The following CDH18 variants were observed in gnomAD, a reference collection of about 807,000 sequenced individuals.
CDH18 encodes the protein cadherin 18.
A neutral mutation model predicts 67.9 loss-of-function variants in CDH18; 31 were observed. That is an observed-to-expected ratio of 0.46 (90% CI 0.34 to 0.62). CDH18 has a LOEUF of 0.62. Among genes scored for constraint, CDH18 ranks in the 20% least tolerant of loss-of-function variants. The pLI, the probability that CDH18 is intolerant of heterozygous loss-of-function variation, is 0.01. For synonymous variants in CDH18, 362 were observed against 347.2 expected (o/e 1.04, Z -0.48); for missense variants, 890 against 975.5 (o/e 0.91, Z 1.17).
chr5:19,994,857 G>T lies in CDH18; in HGVS notation c.-517-2843C>A, dbSNP rs866370190. Among the ~76,000 whole-genome samples the T allele has an allele frequency of 4.8e-3, 482 of 99,494 alleles. 23 individuals carry two copies. Among genetic ancestry groups the T allele is most frequent in the Middle Eastern group, 9.6e-3 (2 of 208 alleles). 65.3% of individuals were successfully genotyped at this position (99,494 alleles called of 152,430 possible). On this transcript the variant is annotated intron_variant, in intron 2 of 14. Coordinates refer to the CDH18 transcript ENST00000507958. Reference sequence around the variant, plus strand: ...ATATATATATATATATATATATATAGAGAGAGAGAGAGAGAGAGAGATGTA... The same window carrying T: ...ATATATATATATATATATATATATATAGAGAGAGAGAGAGAGAGAGATGTA...
chr5:20,173,372 A>C (rs1165945155), intron 2 of CDH18, among the ~76,000 whole-genome samples: 1 of 152,176 alleles, frequency 6.6e-6, no homozygotes, highest in African/African-American at 2.4e-5. Context: ...TGTTCCCATA[A>C]ATACTTAAGA....
intron 1 of CDH18, among the ~76,000 whole-genome samples, chr5:20,499,206 C>T (rs894339084): frequency 6.6e-6 from 1 of 151,990 alleles, no homozygotes; most frequent in African/African-American, 2.4e-5. Flanking sequence ...TCCACAGATG[C>T]TCAAGTCCAT....
At chr5:20,245,746 CT>C (rs1168817539) in intron 2 of CDH18, among the ~76,000 whole-genome samples, 2 of 152,116 alleles carry the variant, frequency 1.3e-5, no homozygotes, top group African/African-American at 2.4e-5. Flanking sequence ...CAATAAAAAC[CT>C]GTAGAGCACT....
intron 10 of CDH18, among the ~76,000 whole-genome samples, chr5:19,517,685 T>G (rs1470685150): frequency 6.6e-6 from 1 of 152,164 alleles, no homozygotes; most frequent in African/African-American, 2.4e-5. Context: ...TCTTGAGTGT[T>G]TGGCTTGATA....
chr5:19,660,901 G>C (rs1298499550), intron 5 of CDH18, among the ~76,000 whole-genome samples: 1 of 151,788 alleles, frequency 6.6e-6, no homozygotes, highest in Non-Finnish European at 1.5e-5. Flanking sequence ...GCAAGAGATG[G>C]GATTGTTTCA....
At chr5:20,338,970 T>C (rs895126902) in intron 1 of CDH18, among the ~76,000 whole-genome samples, 72 of 152,054 alleles carry the variant, frequency 4.7e-4, no homozygotes, top group African/African-American at 1.6e-3. Context: ...TCTGGATCCA[T>C]AGGCAGTACT....
chr5:20,315,642 A>C (rs1737394494), intron 1 of CDH18, among the ~76,000 whole-genome samples: 1 of 152,090 alleles, frequency 6.6e-6, no homozygotes, highest in Admixed American at 6.6e-5. Context: ...AATATGCTTA[A>C]GGTCATTCCC....
At chr5:19,671,134 G>A (rs527634414) in intron 5 of CDH18, among the ~76,000 whole-genome samples, 14 of 152,156 alleles carry the variant, frequency 9.2e-5, no homozygotes, top group South Asian at 6.2e-4. Flanking sequence ...AAGAAATTAC[G>A]TTATTCAAGT....
chr5:19,827,046 G>A (rs1780486053), intron 3 of CDH18, among the ~76,000 whole-genome samples: 1 of 151,930 alleles, frequency 6.6e-6, no homozygotes, highest in African/African-American at 2.4e-5. Context: ...AATCTACCAA[G>A]AAAATGGCAA....
chr5:20,108,962 A>G (rs895853384), intron 2 of CDH18, among the ~76,000 whole-genome samples: 2 of 152,220 alleles, frequency 1.3e-5, no homozygotes, highest in Non-Finnish European at 2.9e-5. Context: ...TAAACAAAGC[A>G]TATTAGTTGC....
intron 5 of CDH18, among the ~76,000 whole-genome samples, chr5:19,629,020 A>G (rs1330343454): frequency 2.0e-5 from 3 of 152,212 alleles, no homozygotes; most frequent in South Asian, 2.1e-4. Context: ...GTTGCTAAGT[A>G]AAGTATGATA....
chr5:20,473,438 A>C (rs969675617), intron 1 of CDH18, among the ~76,000 whole-genome samples: 1 of 151,956 alleles, frequency 6.6e-6, no homozygotes, highest in East Asian at 1.9e-4. Context: ...TTTCAGGTGT[A>C]TTTTATAACA....
intron 1 of CDH18, among the ~76,000 whole-genome samples, chr5:20,349,724 A>T (rs2150055177): frequency 6.6e-6 from 1 of 152,256 alleles, no homozygotes; most frequent in East Asian, 1.9e-4. Context: ...TCTATTGCAC[A>T]TGTCCAATTT....
intron 10 of CDH18, among the ~76,000 whole-genome samples, chr5:19,505,487 A>G (rs372297283): frequency 6.6e-6 from 1 of 152,208 alleles, no homozygotes; most frequent in East Asian, 1.9e-4. Context: ...TTTGAGATAC[A>G]TCCCATCAAT....
intron 6 of CDH18, among the ~76,000 whole-genome samples, chr5:19,591,512 A>G (rs1745130260): frequency 6.6e-6 from 1 of 152,136 alleles, no homozygotes; most frequent in Non-Finnish European, 1.5e-5. Flanking sequence ...CTTAAGCTAC[A>G]GACAATTAGA....
chr5:19,969,044 G>C (rs1797764564), intron 2 of CDH18, among the ~76,000 whole-genome samples: 1 of 138,018 alleles, frequency 7.2e-6, no homozygotes. Flanking sequence ...GACATGAACA[G>C]ACACTTCTCA....
In CDH18 at chr5:20,185,070, A is replaced by G. The variant is rs1580429412; in HGVS notation, c.-518+70374T>C. Among the ~76,000 whole-genome samples, 3 of 152,206 alleles carry G rather than the reference A, an allele frequency of 2.0e-5. No individual in the cohort carries two copies. In the East Asian group the frequency reaches 5.8e-4, roughly 29 times the overall value. ...CCGTCTCAGTTTGATCTCTCAAGAAATACTAAAAAATTTCCAATAAATAGC... is the reference window on the plus strand; with the variant it reads ...CCGTCTCAGTTTGATCTCTCAAGAAGTACTAAAAAATTTCCAATAAATAGC... On this transcript the variant is annotated intron_variant, in intron 2 of 14. Transcript: ENST00000507958.
intron 2 of CDH18, among the ~76,000 whole-genome samples, chr5:19,858,111 G>A (rs769598597): frequency 6.6e-6 from 1 of 152,084 alleles, no homozygotes; most frequent in Admixed American, 6.6e-5. Flanking sequence ...TACATTTTAG[G>A]GAAGCATGGA....
intron 2 of CDH18, among the ~76,000 whole-genome samples, chr5:20,090,878 T>C (rs1014064021): frequency 6.6e-6 from 1 of 151,214 alleles, no homozygotes; most frequent in Non-Finnish European, 1.5e-5. Flanking sequence ...AAAATATATA[T>C]ATAAAATATA....
Sources: allele counts gnomAD v4.1 joint callset (sites outside exome capture counted in the v4.1 genomes callset), GRCh38; gene constraint gnomAD v4.1.1; transcripts MANE v1.5; gene names NCBI Gene and HGNC (gene_info 2026-07-23, HGNC 2026-07-21).